CHST11: variants seen among roughly 807,000 people sequenced by gnomAD.
CHST11 encodes carbohydrate sulfotransferase 11, also known as C4S-1.
In CHST11, 9 loss-of-function variants were observed where a neutral mutation model predicts 30.4. The ratio of observed to expected loss-of-function variants is 0.30; its 90% confidence interval spans 0.18 to 0.52. The LOEUF (loss-of-function observed/expected upper bound fraction) is 0.52, where lower values mean the gene tolerates loss of function less well. CHST11 is among the 20% of genes least tolerant of loss of function. The pLI, the probability that CHST11 is intolerant of heterozygous loss-of-function variation, is 0.97. For synonymous variants in CHST11, 152 were observed against 187.8 expected, an observed-to-expected ratio of 0.81 and a Z score of 1.56; for missense variants, 348 against 460.6, an observed-to-expected ratio of 0.76 and a Z score of 2.24.
At chr12:104,473,512 G>T (rs1206093343) in intron 1 of CHST11, among the ~76,000 whole-genome samples, 1 of 152,164 alleles carries the variant, frequency 6.6e-6, no homozygotes, top group Non-Finnish European at 1.5e-5. Flanking sequence ...CCCTAGAGAT[G>T]AGCAGTGAAG....
chr12:104,730,542 GA>G (rs2040248529), intron 2 of CHST11, among the ~76,000 whole-genome samples: 1 of 152,176 alleles, frequency 6.6e-6, no homozygotes, highest in East Asian at 1.9e-4. Context: ...ACAGTATGAT[GA>G]AATGGTGTGT....
intron 2 of CHST11, among the ~76,000 whole-genome samples, chr12:104,610,634 A>G (rs758513795): frequency 7.2e-5 from 11 of 152,180 alleles, no homozygotes; most frequent in Non-Finnish European, 1.3e-4. Context: ...TTCTCAGCCA[A>G]TTGGATTTTA....
chr12:104,644,930 C>T lies in CHST11; in HGVS notation c.204+42939C>T, dbSNP rs377569963. Among the ~76,000 whole-genome samples the T allele has an allele frequency of 4.2e-4, 64 of 152,284 alleles. No homozygotes were observed. In the South Asian group the frequency reaches 0.012, roughly 30 times the overall value. ...GAAACCTGAGGACAGATCACTGCAG[C>T]GAGCCTTCTTCCACTTTTTTTGTTT... On this transcript the variant is annotated intron_variant, in intron 2 of 2. Transcript: ENST00000303694.
chr12:104,507,722 G>C (rs1203860340), intron 1 of CHST11, among the ~76,000 whole-genome samples: 1 of 152,176 alleles, frequency 6.6e-6, no homozygotes, highest in African/African-American at 2.4e-5. Flanking sequence ...TCAGCTTCCT[G>C]TATCTCTCTC....
chr12:104,475,661 TATATA>T (rs2037550678), intron 1 of CHST11, among the ~76,000 whole-genome samples: 5 of 96,080 alleles, frequency 5.2e-5, no homozygotes, highest in East Asian at 2.9e-4. Flanking sequence ...AGCAGCATTA[TATATA>T]TATATATATA....
In CHST11 at chr12:104,666,660, T is replaced by C. The variant is rs117927323; in HGVS notation, c.204+64669T>C. Among the ~76,000 whole-genome samples, 913 of 152,314 alleles carry C rather than the reference T, an allele frequency of 6.0e-3. 33 individuals carry two copies. In the East Asian group the frequency reaches 0.11, roughly 19 times the overall value. Reference sequence around the variant, plus strand: ...GCTCCACATGCCTGAAATACAGATTTACTCTGAAATACAGTGGATGGCCAA... The same window carrying C: ...GCTCCACATGCCTGAAATACAGATTCACTCTGAAATACAGTGGATGGCCAA... On this transcript the variant is annotated intron_variant, in intron 2 of 2. Transcript: ENST00000303694.
chr12:104,658,120 G>A (rs1488762590), intron 2 of CHST11, among the ~76,000 whole-genome samples: 2 of 152,198 alleles, frequency 1.3e-5, no homozygotes, highest in African/African-American at 4.8e-5. Flanking sequence ...CCCCTATGCC[G>A]CCCCCAACCT....
chr12:104,670,296 C>T (rs1428589411), intron 2 of CHST11, among the ~76,000 whole-genome samples: 1 of 152,184 alleles, frequency 6.6e-6, no homozygotes, highest in Non-Finnish European at 1.5e-5. Context: ...AGGGGCTTCC[C>T]CACCACTCTG....
chr12:104,670,815 ACCCACACATACATTCTCACACACACT>A (rs2039688735), intron 2 of CHST11, among the ~76,000 whole-genome samples: 4 of 149,952 alleles, frequency 2.7e-5, no homozygotes, highest in Admixed American at 2.7e-4. Context: ...ATAAACACAC[ACCCACACATACATTCTCACACACACT>A]CCCACACATA....
intron 1 of CHST11, among the ~76,000 whole-genome samples, chr12:104,577,796 G>A (rs1704879): frequency 4.6e-5 from 7 of 151,978 alleles, no homozygotes; most frequent in Admixed American, 1.3e-4. Context: ...ACTCAAGACC[G>A]ATCTGGTTGA....
At position 104,729,989 on chromosome 12, in the gene CHST11, G is replaced by T. The variant is rs1209993469; in HGVS notation, c.205-26960G>T. ...GTCCCAGGACTTGGGGCTCTAAGTA[G>T]CATTACACTGGCTGGGCAGGTAGTC... is the stretch of plus-strand genomic sequence containing the variant. On this transcript the variant is annotated intron_variant, in intron 2 of 2. Transcript: ENST00000303694. The surrounding 1 kb of genome is among the most constrained non-coding windows in gnomAD (Gnocchi z 4.0). 1.3e-5 allele frequency among the ~76,000 whole-genome samples: 2 copies of T among 152,202 alleles called. No individual in the cohort carries two copies. The highest frequency in any genetic ancestry group is 2.9e-5 in the Non-Finnish European group (2 of 68,028).
intron 2 of CHST11, among the ~76,000 whole-genome samples, chr12:104,615,132 TC>T (rs1461147480): frequency 6.6e-6 from 1 of 152,190 alleles, no homozygotes; most frequent in Non-Finnish European, 1.5e-5. Context: ...AAGCTGACCG[TC>T]CTTGGAATGT....
chr12:104,677,368 T>A (rs767348787), intron 2 of CHST11, among the ~76,000 whole-genome samples: 2 of 152,208 alleles, frequency 1.3e-5, no homozygotes, highest in Non-Finnish European at 2.9e-5. Context: ...ACAAAAGGGT[T>A]ATTCAGCTGA....
chr12:104,720,825 C>T (rs1198728126), intron 2 of CHST11, among the ~76,000 whole-genome samples: 1 of 152,078 alleles, frequency 6.6e-6, no homozygotes, highest in Non-Finnish European at 1.5e-5. Context: ...CTACCGTGGA[C>T]CAGTCGCTGC....
intron 2 of CHST11, among the ~76,000 whole-genome samples, chr12:104,683,099 G>C (rs868528362): frequency 1.4e-4 from 21 of 152,208 alleles, no homozygotes; most frequent in African/African-American, 5.1e-4. Context: ...ATGGCAAAAG[G>C]GGGCGGGGTC....
chr12:104,549,235 T>C lies in CHST11; in HGVS notation c.119-52671T>C, dbSNP rs1164281576. ...CAGAAATGAGGTGGACAGAGTGAGG[T>C]GGTGGGCATGTCAACTGCAAAGTTC... On this transcript the variant is annotated intron_variant, in intron 1 of 2. Transcript: ENST00000303694. 3.3e-5 allele frequency among the ~76,000 whole-genome samples: 5 copies of C among 152,168 alleles called. No homozygotes were observed. In the East Asian group the frequency reaches 9.7e-4, roughly 29 times the overall value.
intron 2 of CHST11, among the ~76,000 whole-genome samples, chr12:104,701,567 A>T (rs2039990827): frequency 6.6e-6 from 1 of 152,142 alleles, no homozygotes; most frequent in Non-Finnish European, 1.5e-5. Flanking sequence ...GCAGGAGTCA[A>T]GCAGAGGCTA....
chr12:104,705,994 G>T (rs1220588796), intron 2 of CHST11, among the ~76,000 whole-genome samples: 2 of 152,210 alleles, frequency 1.3e-5, no homozygotes, highest in African/African-American at 4.8e-5. Flanking sequence ...GCTGAGGCAG[G>T]AGGATTGCTT....
At chr12:104,655,271 C>T (rs1156925834) in intron 2 of CHST11, among the ~76,000 whole-genome samples, 5 of 152,256 alleles carry the variant, frequency 3.3e-5, no homozygotes, top group Non-Finnish European at 1.5e-5. Context: ...CCCTGACCTT[C>T]GCGCCGGAGG....
Sources: gnomAD v4.1 joint callset for allele counts (sites outside exome capture counted in the v4.1 genomes callset) on GRCh38, gnomAD v4.1.1 for gene constraint, Gnocchi (gnomAD v3.1) non-coding constraint, MANE v1.5 for transcripts, NCBI Gene and HGNC (gene_info 2026-07-23, HGNC 2026-07-21) for gene names.